The following THSD7B variants were observed in gnomAD, a reference collection of about 807,000 sequenced individuals.
THSD7B encodes thrombospondin type 1 domain containing 7B, also known as thrombospondin type-1 domain-containing protein 7B.
Under a neutral mutation model 213.6 loss-of-function variants are expected in THSD7B, and 138 were observed. The observed-to-expected ratio is 0.65, with a 90% CI of 0.56 to 0.74. The LOEUF (loss-of-function observed/expected upper bound fraction) is 0.74, where lower values mean the gene tolerates loss of function less well. Among genes scored for constraint, THSD7B ranks in the 30% least tolerant of loss-of-function variants. The pLI is 0.00. For synonymous variants in THSD7B, 742 were observed against 687.0 expected (o/e 1.08, Z -1.25); for missense variants, 1,931 against 1,991.5 (o/e 0.97, Z 0.58).
At chr2:137,383,854 C>T (rs948862380) in intron 12 of THSD7B, among the ~76,000 whole-genome samples, 2 of 152,164 alleles carry the variant, frequency 1.3e-5, no homozygotes, top group African/African-American at 4.8e-5. Context: ...TCAGTTAGAA[C>T]CTGACACCTG....
chr2:137,581,962 G>A (rs1681589961), intron 17 of THSD7B, among the ~76,000 whole-genome samples: 2 of 151,078 alleles, frequency 1.3e-5, no homozygotes, highest in Admixed American at 6.6e-5. Context: ...CAGATGTGTT[G>A]GTGGACACCT....
At chr2:136,914,025 G>A (rs1171286538) in intron 2 of THSD7B, among the ~76,000 whole-genome samples, 1 of 152,214 alleles carries the variant, frequency 6.6e-6, no homozygotes, top group Non-Finnish European at 1.5e-5. Context: ...ACCAGCCCAT[G>A]AAAGCAGTCG....
intron 12 of THSD7B, among the ~76,000 whole-genome samples, chr2:137,359,539 G>A (rs147137456): frequency 8.5e-5 from 13 of 152,246 alleles, no homozygotes; most frequent in East Asian, 3.9e-4. Flanking sequence ...GTAGGTAAGC[G>A]CTTACTGAAG....
chr2:137,282,136 G>T (rs1437904023), intron 12 of THSD7B, among the ~76,000 whole-genome samples: 2 of 150,812 alleles, frequency 1.3e-5, no homozygotes, highest in Admixed American at 6.6e-5. Flanking sequence ...GTTTTGATTT[G>T]CATTTCTCTG....
At chr2:136,873,495 GT>G (rs772101990) in intron 1 of THSD7B, among the ~76,000 whole-genome samples, 1 of 152,188 alleles carries the variant, frequency 6.6e-6, no homozygotes, top group Non-Finnish European at 1.5e-5. Context: ...GATAATACCT[GT>G]TTTTTCCTTC....
intron 7 of THSD7B, among the ~76,000 whole-genome samples, chr2:137,214,800 A>G (rs541675597): frequency 5.9e-5 from 9 of 152,204 alleles, no homozygotes; most frequent in Admixed American, 5.2e-4. Context: ...TCCATGTTGT[A>G]TATGTGCCAC....
intron 12 of THSD7B, among the ~76,000 whole-genome samples, chr2:137,335,659 AG>A (rs1030293769): frequency 6.6e-6 from 1 of 152,170 alleles, no homozygotes; most frequent in African/African-American, 2.4e-5. Flanking sequence ...TTAAGGACAG[AG>A]GGGGTAGTAA....
At chr2:137,115,085 T>C (rs764269871) in intron 4 of THSD7B, 39 bp from the exon 5 acceptor site, 7 of 1,612,418 alleles carry the variant, frequency 4.3e-6, no homozygotes, top group Non-Finnish European at 5.1e-6. Flanking sequence ...ATATTTTTCT[T>C]ACTTCTTCTT....
chr2:137,463,935 A>G (rs1687935763), intron 15 of THSD7B, among the ~76,000 whole-genome samples: 1 of 152,114 alleles, frequency 6.6e-6, no homozygotes, highest in African/African-American at 2.4e-5. Context: ...ACTGGCTTAA[A>G]GTCTGCAATA....
chr2:137,551,533 C>T (rs1189056431), intron 15 of THSD7B, among the ~76,000 whole-genome samples: 1 of 152,086 alleles, frequency 6.6e-6, no homozygotes, highest in Non-Finnish European at 1.5e-5. Context: ...AGCCACACAT[C>T]CAGATTGCAA....
chr2:136,769,656 A>G (rs1254003989), intron 1 of THSD7B, among the ~76,000 whole-genome samples: 1 of 151,952 alleles, frequency 6.6e-6, no homozygotes, highest in African/African-American at 2.4e-5. Flanking sequence ...CGCTAAATTC[A>G]TATTAATTTT....
intron 20 of THSD7B, among the ~76,000 whole-genome samples, chr2:137,622,095 C>T (rs898750911): frequency 1.3e-5 from 2 of 152,156 alleles, no homozygotes; most frequent in Non-Finnish European, 2.9e-5. Context: ...ACCCACACAC[C>T]ACCCCATAGA....
intron 7 of THSD7B, among the ~76,000 whole-genome samples, chr2:137,211,309 A>AC (rs1681096908): frequency 8.0e-6 from 1 of 124,638 alleles, no homozygotes; most frequent in Non-Finnish European, 1.8e-5. Context: ...TTGCTTGTCT[A>AC]TTCAACAGAC....
rs140273363 is a variant in THSD7B at position 136,982,618 on chromosome 2, G to A, written c.140-73802G>A. 2.2e-3 allele frequency among the ~76,000 whole-genome samples: 328 copies of A among 152,254 alleles called. 2 individuals are homozygous for A. Among genetic ancestry groups the A allele is most frequent in the Non-Finnish European group, 3.0e-3 (207 of 68,010 alleles). ...TGAGTAAAATGTGGAATTGTCTTGG[G>A]AGTCTAACCTAGTATATCAGGCCCT... On this transcript the variant is annotated intron_variant, in intron 2 of 27. Coordinates refer to ENST00000409968, the MANE Select transcript of THSD7B (RefSeq NM_001316349.2).
chr2:136,834,543 C>T (rs995689383), intron 1 of THSD7B, among the ~76,000 whole-genome samples: 7 of 151,418 alleles, frequency 4.6e-5, no homozygotes, highest in African/African-American at 7.3e-5. Flanking sequence ...GACCCTGTGA[C>T]ATATTTGTGG....
At chr2:137,399,221 C>A (rs1436268581) in intron 12 of THSD7B, among the ~76,000 whole-genome samples, 2 of 136,662 alleles carry the variant, frequency 1.5e-5, no homozygotes, top group Non-Finnish European at 1.6e-5. Context: ...AAACACAAGT[C>A]TTGCTCTGTT....
intron 12 of THSD7B, among the ~76,000 whole-genome samples, chr2:137,288,360 G>T (rs1045709896): frequency 6.6e-6 from 1 of 152,118 alleles, no homozygotes; most frequent in Non-Finnish European, 1.5e-5. Context: ...GGTGTATGGG[G>T]AGTGAGAATT....
intron 5 of THSD7B, among the ~76,000 whole-genome samples, chr2:137,136,839 G>A (rs372547694): frequency 1.3e-5 from 2 of 151,954 alleles, no homozygotes; most frequent in Admixed American, 1.3e-4. Flanking sequence ...CATTTTTTAT[G>A]TTGAAAATAC....
chr2:137,596,219 C>T (rs1350330314), intron 17 of THSD7B, among the ~76,000 whole-genome samples: 1 of 149,880 alleles, frequency 6.7e-6, no homozygotes, highest in Non-Finnish European at 1.5e-5. Flanking sequence ...CTTCCAGGGA[C>T]AGAGCCCAGA....
Sources: gnomAD v4.1 joint callset for allele counts (sites outside exome capture counted in the v4.1 genomes callset) on GRCh38, gnomAD v4.1.1 for gene constraint, MANE v1.5 for transcripts, NCBI Gene and HGNC (gene_info 2026-07-23, HGNC 2026-07-21) for gene names.